Variants in WDR35 observed in about 807,000 individuals in gnomAD.
WDR35 encodes WD repeat-containing protein 35.
Under a neutral mutation model 158.3 loss-of-function variants are expected in WDR35, and 118 were observed. The ratio of observed to expected loss-of-function variants is 0.75; its 90% CI spans 0.64 to 0.87. WDR35 has a LOEUF of 0.87. WDR35 is among the 40% of genes least tolerant of loss of function. The pLI is 0.00. For synonymous variants in WDR35, 448 were observed against 476.1 expected, an observed-to-expected ratio of 0.94 and a Z score of 0.77; for missense variants, 1,263 against 1,405.8, an observed-to-expected ratio of 0.90 and a Z score of 1.62.
intron 5 of WDR35, among the ~76,000 whole-genome samples, chr2:19,978,169 T>C (rs1672268368): frequency 1.3e-5 from 2 of 151,316 alleles, no homozygotes; most frequent in Admixed American, 6.6e-5. Flanking sequence ...ATTTGTTGAC[T>C]ACATGAAGTT....
At position 19,913,201 on chromosome 2, in the gene WDR35, C is replaced by T. The variant is rs948976949; in HGVS notation, c.*357G>A. ...GCCCCACTCCCATGCTTCCCCCACTCCCTACTCCCTTCAAGATTTTTTAAT... is the reference window on the plus strand; with the variant it reads ...GCCCCACTCCCATGCTTCCCCCACTTCCTACTCCCTTCAAGATTTTTTAAT... On this transcript the variant is annotated 3_prime_UTR_variant, in exon 27 of 27. Coordinates refer to ENST00000281405, the MANE Select transcript of WDR35 (RefSeq NM_020779.4). 1 of 201,198 alleles carries T rather than the reference C, an allele frequency of 5.0e-6. No homozygotes were observed. The highest frequency in any genetic ancestry group is 2.4e-5 in the African/African-American group (1 of 42,276). 12.5% of individuals were successfully genotyped at this position (201,198 alleles called of 1,614,324 possible).
rs186555717 is a variant in WDR35, at chr2:19,964,471, C to T, written c.1194+2253G>A. ...TGATCTCGGCCCACCGCAACCTCCG[C>T]GTCCTGGGTTCAAGCAATTCTCCTG... is the stretch of plus-strand genomic sequence containing the variant. On this transcript the variant is annotated intron_variant, in intron 10 of 26. Transcript: ENST00000281405. Among the ~76,000 whole-genome samples the T allele has an allele frequency of 4.7e-5, 7 of 150,380 alleles. No individual in the cohort carries two copies. The East Asian group carries it at 7.9e-4, about 17-fold the overall frequency.
intron 6 of WDR35, 70 bp downstream of exon 6, chr2:19,975,460 C>T (rs2103456552): frequency 1.3e-6 from 2 of 1,500,844 alleles, no homozygotes; most frequent in Admixed American, 2.0e-5. Flanking sequence ...AATGTATATA[C>T]AAACATGAAT....
chr2:19,951,449 A>G lies in WDR35; in HGVS notation c.1436T>C (p.Met479Thr), dbSNP rs764063618. The G allele has an allele frequency of 1.9e-6, 3 of 1,611,796 alleles. No homozygotes were observed. In the Admixed American group the frequency reaches 5.0e-5, roughly 27 times the overall value. Residue 479 changes from methionine (M) to threonine (T), a missense_variant, in exon 13 of 27, where the codon ATG becomes ACG. By Grantham distance (81) the Met-to-Thr change is moderately conservative. Transcript: ENST00000281405. ...TTTACTATAATCAAGCACACCATCC[A>G]TTGATCCAGAAGGGGTATCATCAAC... ...YHVDDTPSGS[M>T]DGVLDYSKTI...
rs766819892 is a variant in WDR35, at chr2:19,931,448, T to C, written c.2824-39A>G. On this transcript the variant is annotated intron_variant, in intron 23 of 26. Transcript: ENST00000281405. ...CAAAATTGAGGGAAGTTACTTCTTA[T>C]CTATATTTGTACAAATACAATCATT... 5.0e-6 allele frequency: 8 copies of C among 1,607,892 alleles called. No homozygotes were observed. The East Asian group carries it at 1.1e-4, about 22-fold the overall frequency.
At chr2:19,971,055 T>C (rs896142350) in intron 8 of WDR35, among the ~76,000 whole-genome samples, 59 of 143,194 alleles carry the variant, frequency 4.1e-4, no homozygotes, top group Non-Finnish European at 7.6e-4. Context: ...TTAAAATAAA[T>C]AAACAGTACT....
chr2:19,964,544 C>T (rs1401264018), intron 10 of WDR35, among the ~76,000 whole-genome samples: 3 of 151,516 alleles, frequency 2.0e-5, no homozygotes, highest in East Asian at 2.0e-4. Context: ...CTGCCACGCC[C>T]GGCTAATTTT....
At chr2:19,969,346 T>A in intron 9 of WDR35, 134 bp downstream of exon 9, 1 of 922,188 alleles carries the variant, frequency 1.1e-6, no homozygotes, top group Non-Finnish European at 1.6e-6. Flanking sequence ...AGTTTACTAG[T>A]TCTAAAATCT....
chr2:19,937,474 T>C (rs961585698), intron 19 of WDR35, among the ~76,000 whole-genome samples: 2 of 152,092 alleles, frequency 1.3e-5, no homozygotes, highest in African/African-American at 4.8e-5. Flanking sequence ...CCAGTCTCTG[T>C]TGTTCTATCA....
chr2:19,987,049 T>A (rs1183085628), intron 2 of WDR35, among the ~76,000 whole-genome samples: 1 of 152,228 alleles, frequency 6.6e-6, no homozygotes, highest in Non-Finnish European at 1.5e-5. Flanking sequence ...GATATATTAA[T>A]ACCAATATAA....
chr2:19,940,278 G>T (rs1670832168), intron 17 of WDR35, among the ~76,000 whole-genome samples: 2 of 151,728 alleles, frequency 1.3e-5, no homozygotes, highest in African/African-American at 4.8e-5. Context: ...GAGATGGGAG[G>T]ATCACTTGAG....
chr2:19,960,744 C>T (rs538549723), intron 10 of WDR35, 130 bp from the exon 11 acceptor site: 33 of 697,540 alleles, frequency 4.7e-5, no homozygotes, highest in African/African-American at 4.5e-4. Flanking sequence ...GAAACTGTTA[C>T]GTGCAAAAAA....
At chr2:19,987,889 C>CAT (rs199984409) in intron 2 of WDR35, among the ~76,000 whole-genome samples, 2,977 of 146,480 alleles carry the variant, frequency 0.02, 89 homozygotes, top group African/African-American at 0.066. Flanking sequence ...TACAGACACA[C>CAT]ATATATATAT....
chr2:19,921,271 A>G (rs932315150), intron 25 of WDR35, among the ~76,000 whole-genome samples: 32 of 152,202 alleles, frequency 2.1e-4, no homozygotes, highest in Admixed American at 2.1e-3. Context: ...CATAGCCAAC[A>G]CAATCCTAAG....
intron 8 of WDR35, 34 bp downstream of exon 8, chr2:19,973,529 T>C (rs369680405): frequency 7.4e-6 from 12 of 1,613,790 alleles, no homozygotes; most frequent in South Asian, 4.4e-5. Context: ...CACATTTAAA[T>C]AGAAAGAAAG....
intron 5 of WDR35, among the ~76,000 whole-genome samples, chr2:19,976,986 A>ATTTGT (rs1672238460): frequency 6.6e-6 from 1 of 151,664 alleles, no homozygotes. Context: ...CGCCCAGATA[A>ATTTGT]TTTGTTTTGT....
At chr2:19,922,440 A>G (rs1670197306) in intron 25 of WDR35, among the ~76,000 whole-genome samples, 1 of 152,134 alleles carries the variant, frequency 6.6e-6, no homozygotes, top group African/African-American at 2.4e-5. Context: ...GAAGCTGGAA[A>G]CCATCATTCT....
intron 25 of WDR35, among the ~76,000 whole-genome samples, chr2:19,919,895 G>A (rs1366106575): frequency 1.3e-5 from 2 of 151,834 alleles, no homozygotes; most frequent in African/African-American, 2.4e-5. Flanking sequence ...ATGATAAAAG[G>A]GATATCACCA....
At chr2:19,951,538 C>T (rs1315243050) in intron 12 of WDR35, 54 bp from the exon 13 acceptor site, 6 of 1,366,372 alleles carry the variant, frequency 4.4e-6, no homozygotes, top group Non-Finnish European at 5.2e-6. Context: ...TATACTATTT[C>T]ATAATCTCTA....
Sources: gnomAD v4.1 joint callset for allele counts (sites outside exome capture counted in the v4.1 genomes callset) on GRCh38, gnomAD v4.1.1 for gene constraint, MANE v1.5 for transcripts, NCBI Gene and HGNC (gene_info 2026-07-23, HGNC 2026-07-21) for gene names.